The following TIAM1 variants were observed in gnomAD, a reference collection of about 807,000 sequenced individuals.
TIAM1 encodes TIAM Rac1 associated GEF 1, also known as rho guanine nucleotide exchange factor TIAM1.
A neutral mutation model predicts 163.5 loss-of-function variants in TIAM1; 65 were observed. The observed-to-expected ratio is 0.40, with a 90% CI of 0.33 to 0.49. TIAM1 has a LOEUF of 0.49. Ranked by LOEUF, TIAM1 falls within the 20% of genes least tolerant of loss-of-function variation. The pLI is 0.77. For synonymous variants in TIAM1, 833 were observed against 810.1 expected (o/e 1.03, Z -0.48); for missense variants, 1,789 against 2,044.7 (o/e 0.87, Z 2.41).
intron 15 of TIAM1, among the ~76,000 whole-genome samples, chr21:31,179,546 G>GA (rs11444840): frequency 0.21 from 29,246 of 136,630 alleles, 3,841 homozygotes; most frequent in East Asian, 0.41. Context: ...CCGCTTAATT[G>GA]AAAAAAAAAA....
In TIAM1 at chr21:31,438,128, C is replaced by T. The variant is rs149590930; in HGVS notation, c.-369+25855G>A. Among the ~76,000 whole-genome samples the T allele has an allele frequency of 6.9e-3, 1,020 of 148,740 alleles. 13 individuals carry two copies. The highest frequency in any genetic ancestry group is 0.024 in the African/African-American group (962 of 40,192). ...CACAAGACAACAAAAGGTCCCAAGA[C>T]GTGACCATGTTACTAGGCCACACAT... is the stretch of plus-strand genomic sequence containing the variant. On this transcript the variant is annotated intron_variant, in intron 2 of 28. Transcript: ENST00000286827.
Position 31,350,639 on chromosome 21 carries a change from C to T in TIAM1, c.-368-11217G>A, listed in dbSNP as rs144485147. Among the ~76,000 whole-genome samples the T allele has an allele frequency of 2.2e-3, 331 of 152,220 alleles. 1 individual carries two copies. The highest frequency in any genetic ancestry group is 7.2e-3 in the African/African-American group (299 of 41,544). On this transcript the variant is annotated intron_variant, in intron 2 of 28. Transcript: ENST00000286827. ...TCTCTCTTTTGCTCCTGCTCTGGCA[C>T]GTGACATGTCTGCTCCTGCTTCTCT...
intron 1 of TIAM1, among the ~76,000 whole-genome samples, chr21:31,530,392 G>C (rs2047933003): frequency 6.6e-6 from 1 of 152,186 alleles, no homozygotes; most frequent in Non-Finnish European, 1.5e-5. Context: ...AACAGTGATG[G>C]AATTCCAAAA....
intron 1 of TIAM1, among the ~76,000 whole-genome samples, chr21:31,537,559 C>A (rs1283221223): frequency 6.6e-6 from 1 of 152,050 alleles, no homozygotes; most frequent in Non-Finnish European, 1.5e-5. Flanking sequence ...CAAGACCAGC[C>A]TGGACAACAT....
intron 2 of TIAM1, among the ~76,000 whole-genome samples, chr21:31,357,281 C>T (rs911878827): frequency 6.6e-6 from 1 of 152,184 alleles, no homozygotes; most frequent in African/African-American, 2.4e-5. Flanking sequence ...CCCACACTCA[C>T]GAAGTTTATG....
chr21:31,499,441 G>T (rs529859907), intron 1 of TIAM1, among the ~76,000 whole-genome samples: 1 of 151,954 alleles, frequency 6.6e-6, no homozygotes, highest in African/African-American at 2.4e-5. Flanking sequence ...CACGCTGCAC[G>T]GGGGCATGAG....
intron 1 of TIAM1, among the ~76,000 whole-genome samples, chr21:31,503,126 G>A (rs1054384462): frequency 6.6e-6 from 1 of 152,096 alleles, no homozygotes. Flanking sequence ...TGGGTGCGGT[G>A]GTTCACGCCT....
rs185981775 is a variant in TIAM1, at chr21:31,555,431, C to T, written c.-422+3496G>A. 2.2e-3 allele frequency among the ~76,000 whole-genome samples: 331 copies of T among 152,168 alleles called. 1 individual carries two copies. The highest frequency in any genetic ancestry group is 6.8e-3 in the Middle Eastern group (2 of 292). ...AATATACATGTGTGTATATAACATACACACACACATCCCCAGTGAAAGTGT... is the reference window on the plus strand; with the variant it reads ...AATATACATGTGTGTATATAACATATACACACACATCCCCAGTGAAAGTGT... On this transcript the variant is annotated intron_variant, in intron 1 of 28. Transcript: ENST00000286827.
At chr21:31,394,244 C>G (rs976829873) in intron 2 of TIAM1, among the ~76,000 whole-genome samples, 1 of 152,124 alleles carries the variant, frequency 6.6e-6, no homozygotes, top group African/African-American at 2.4e-5. Context: ...GTGAAAGAAG[C>G]CCATCTGAAA....
chr21:31,555,799 G>A (rs1368885835), intron 1 of TIAM1, among the ~76,000 whole-genome samples: 2 of 152,166 alleles, frequency 1.3e-5, no homozygotes, highest in East Asian at 3.8e-4. Flanking sequence ...TGCAGAAATC[G>A]CAGAAGTGTT....
At chr21:31,421,404 G>A (rs12482538) in intron 2 of TIAM1, among the ~76,000 whole-genome samples, 15,941 of 152,180 alleles carry the variant, frequency 0.1, 1,368 homozygotes, top group African/African-American at 0.23. Context: ...GGCCTGTTAG[G>A]AGCTGGGCCA....
intron 4 of TIAM1, among the ~76,000 whole-genome samples, chr21:31,258,508 T>G (rs1303978126): frequency 6.6e-6 from 1 of 152,196 alleles, no homozygotes; most frequent in African/African-American, 2.4e-5. Flanking sequence ...TTTTTGTTCT[T>G]TAACTCTTTT....
chr21:31,309,604 G>A (rs1233274424), intron 2 of TIAM1, among the ~76,000 whole-genome samples: 1 of 152,206 alleles, frequency 6.6e-6, no homozygotes, highest in Non-Finnish European at 1.5e-5. Flanking sequence ...AGACCGGAGA[G>A]TCTGGCTGGC....
intron 2 of TIAM1, among the ~76,000 whole-genome samples, chr21:31,297,560 A>T (rs893858667): frequency 6.6e-6 from 1 of 152,080 alleles, no homozygotes; most frequent in African/African-American, 2.4e-5. Context: ...ACGCACGGCT[A>T]ATTTTTGTAT....
chr21:31,496,635 G>A (rs555255849), intron 1 of TIAM1, among the ~76,000 whole-genome samples: 1 of 152,100 alleles, frequency 6.6e-6, no homozygotes, highest in South Asian at 2.1e-4. Context: ...TATACATTTA[G>A]TGTAGCCTAA....
At chr21:31,378,595 G>A (rs898204002) in intron 2 of TIAM1, among the ~76,000 whole-genome samples, 1 of 152,034 alleles carries the variant, frequency 6.6e-6, no homozygotes, top group East Asian at 1.9e-4. Context: ...AACCCTCAAG[G>A]CTTTTAACCA....
intron 15 of TIAM1, among the ~76,000 whole-genome samples, chr21:31,180,251 G>A (rs938795746): frequency 2.0e-5 from 3 of 151,968 alleles, no homozygotes; most frequent in Admixed American, 6.6e-5. Context: ...AACATTAACC[G>A]TGTCTATCCT....
chr21:31,437,502 C>CAAAAAAA (rs778245444), intron 2 of TIAM1, among the ~76,000 whole-genome samples: 1 of 106,516 alleles, frequency 9.4e-6, no homozygotes, highest in African/African-American at 3.9e-5. Flanking sequence ...GACCCTGTCT[C>CAAAAAAA]AAAAAAAAAA....
In TIAM1 at chr21:31,202,954, T is replaced by C. The variant is rs1476408118; in HGVS notation, c.2447A>G (p.Lys816Arg). 1 of 1,614,172 alleles carries C rather than the reference T, an allele frequency of 6.2e-7. No homozygotes were observed. The highest frequency in any genetic ancestry group is 2.2e-5 in the East Asian group (1 of 44,878). ...GGGCTGTGGAACATAGAGCTGCATT[T>C]TGTTTTCTATTAGAAATTTCAGGCG... ...YLRLKFLIEN[K>R]MQLYVPQPEE... is the part of the protein sequence containing the mutation. Residue 816 changes from lysine (K) to arginine (R), a missense_variant, in exon 12 of 28, where the codon AAA becomes AGA. Coordinates refer to ENST00000541036, the MANE Select transcript of TIAM1 (RefSeq NM_001353694.2).
Sources: gnomAD v4.1 joint callset for allele counts (sites outside exome capture counted in the v4.1 genomes callset) on GRCh38, gnomAD v4.1.1 for gene constraint, MANE v1.5 for transcripts, NCBI Gene and HGNC (gene_info 2026-07-23, HGNC 2026-07-21) for gene names.